Variants in CRACR2A observed in about 807,000 individuals in gnomAD.
CRACR2A encodes calcium release activated channel regulator 2A.
A neutral mutation model predicts 90.5 loss-of-function variants in CRACR2A; 79 were observed. That is an observed-to-expected ratio of 0.87 (90% CI 0.73 to 1.05). CRACR2A has a LOEUF of 1.05. Ranked by LOEUF, CRACR2A falls within the 50% of genes least tolerant of loss-of-function variation. The probability of loss-of-function intolerance (pLI) is 0.00; values close to 1 mark genes in which losing one functional copy is unlikely to be tolerated. For synonymous variants in CRACR2A, 338 were observed against 356.7 expected, an observed-to-expected ratio of 0.95 and a Z score of 0.59; for missense variants, 823 against 897.2, an observed-to-expected ratio of 0.92 and a Z score of 1.06.
intron 10 of CRACR2A, among the ~76,000 whole-genome samples, chr12:3,649,630 C>T (rs545162532): frequency 6.6e-6 from 1 of 152,236 alleles, no homozygotes; most frequent in East Asian, 1.9e-4. Flanking sequence ...AAGAGAGAGG[C>T]AGGGAGGCTG....
At chr12:3,703,291 T>C (rs1945862525) in intron 3 of CRACR2A, among the ~76,000 whole-genome samples, 1 of 152,136 alleles carries the variant, frequency 6.6e-6, no homozygotes, top group South Asian at 2.1e-4. Flanking sequence ...GGTTTCACCA[T>C]AGCCAGGATG....
intron 4 of CRACR2A, among the ~76,000 whole-genome samples, chr12:3,693,356 C>T (rs1000560665): frequency 6.6e-6 from 1 of 152,218 alleles, no homozygotes; most frequent in Non-Finnish European, 1.5e-5. Context: ...TCAGAGAGGC[C>T]AGCAGACCAA....
Position 3,615,368 on chromosome 12 carries a change from G to C in CRACR2A, c.2183C>G (p.Ser728Cys). The C allele has an allele frequency of 3.2e-6, 5 of 1,551,636 alleles. No homozygotes were observed. The highest frequency in any genetic ancestry group is 3.5e-6 in the Non-Finnish European group (4 of 1,146,932). Residue 728 changes from serine (S) to cysteine (C), a missense_variant, in exon 20 of 20, where the codon TCC (serine) becomes TGC (cysteine). By Grantham distance (112) the Ser-to-Cys change is moderately radical (BLOSUM62 -1). Transcript: ENST00000440314. Reference protein sequence around the residue: ...IQVGHPAKKKSCCG With the variant: ...IQVGHPAKKKCCCG ...TGTAGGACCCTATCAGCCACAGCAGGATTTCTTCTTAGCAGGGTGGCCGAC... is the reference window on the plus strand; with the variant it reads ...TGTAGGACCCTATCAGCCACAGCAGCATTTCTTCTTAGCAGGGTGGCCGAC...
intron 7 of CRACR2A, among the ~76,000 whole-genome samples, chr12:3,666,359 G>GTGTGTGCA (rs112902196): frequency 9.6e-6 from 1 of 104,642 alleles, no homozygotes; most frequent in African/African-American, 4.4e-5. Flanking sequence ...GTGTGTGCGT[G>GTGTGTGCA]CGTGTGCGCG....
intron 7 of CRACR2A, among the ~76,000 whole-genome samples, chr12:3,670,059 T>C (rs1945213235): frequency 6.6e-6 from 1 of 152,226 alleles, no homozygotes; most frequent in African/African-American, 2.4e-5. Flanking sequence ...AAGCGCTATC[T>C]CCTTGGTGTG....
intron 6 of CRACR2A, among the ~76,000 whole-genome samples, chr12:3,674,062 C>A (rs556511407): frequency 6.6e-6 from 1 of 152,164 alleles, no homozygotes; most frequent in African/African-American, 2.4e-5. Context: ...AGGACAGGAG[C>A]CCAGTGCGTT....
chr12:3,641,835 T>C lies in CRACR2A; in HGVS notation c.1168A>G (p.Asn390Asp). 6.4e-7 allele frequency: 1 copy of C among 1,551,702 alleles called. No individual in the cohort carries two copies. Among genetic ancestry groups the C allele is most frequent in the Non-Finnish European group, 8.7e-7 (1 of 1,146,968 alleles). ...RDERDICFQK[N>D]KAAKANTAAS... Reference sequence around the variant, plus strand: ...GCTGTGTTTGCCTTGGCTGCCTTATTTTTCTGTAGAAACACAAAATGTCCT... The same window carrying C: ...GCTGTGTTTGCCTTGGCTGCCTTATCTTTCTGTAGAAACACAAAATGTCCT... Residue 390 changes from asparagine (N) to aspartate (D), a missense_variant, in exon 13 of 20, where the codon AAT becomes GAT. Asn to Asp is a conservative substitution (Grantham distance 23). Transcript: ENST00000440314.
intron 15 of CRACR2A, among the ~76,000 whole-genome samples, chr12:3,631,793 A>G (rs148314240): frequency 6.6e-6 from 1 of 152,224 alleles, no homozygotes; most frequent in African/African-American, 2.4e-5. Context: ...TCTCTGGGAG[A>G]AATGTTAGAA....
chr12:3,615,394 C>CT lies in CRACR2A; in HGVS notation c.2156dup (p.Val720GlyfsTer6), dbSNP rs1354888695. The CT allele has an allele frequency of 3.9e-6, 6 of 1,551,422 alleles. No homozygotes were observed. The Admixed American group carries it at 1.2e-4, about 30-fold the overall frequency. On this transcript the variant is annotated frameshift_variant, in exon 20 of 20. Coordinates refer to ENST00000440314, the MANE Select transcript of CRACR2A (RefSeq NM_001144958.2). LOFTEE classifies it high-confidence loss of function. ...ATTTCTTCTTAGCAGGGTGGCCGAC[C>CT]TGAATGGTGTCCTCTCTCACTGTGT... is the stretch of plus-strand genomic sequence containing the variant.
At chr12:3,625,200 C>T (rs1591635391) in intron 17 of CRACR2A, among the ~76,000 whole-genome samples, 1 of 152,124 alleles carries the variant, frequency 6.6e-6, no homozygotes, top group South Asian at 2.1e-4. Flanking sequence ...CTTCCCGAGC[C>T]CACAGACACA....
chr12:3,674,890 A>G (rs937444225), intron 6 of CRACR2A, among the ~76,000 whole-genome samples: 2 of 152,258 alleles, frequency 1.3e-5, no homozygotes, highest in African/African-American at 2.4e-5. Context: ...TATTGAAAAT[A>G]TAAGTCCTTC....
intron 3 of CRACR2A, among the ~76,000 whole-genome samples, chr12:3,709,579 A>G (rs560431614): frequency 1.3e-5 from 2 of 152,324 alleles, no homozygotes; most frequent in Non-Finnish European, 2.9e-5. Flanking sequence ...GGAGTTCACA[A>G]CCAGCCTGGC....
chr12:3,662,555 C>A (rs1306798120), intron 7 of CRACR2A, among the ~76,000 whole-genome samples: 2 of 152,236 alleles, frequency 1.3e-5, no homozygotes, highest in Non-Finnish European at 2.9e-5. Flanking sequence ...TCATTTTAAT[C>A]ATGGACTGTG....
At chr12:3,668,059 C>T (rs531380370) in intron 7 of CRACR2A, among the ~76,000 whole-genome samples, 1 of 152,328 alleles carries the variant, frequency 6.6e-6, no homozygotes, top group African/African-American at 2.4e-5. Context: ...GTCAGGTTTA[C>T]AAATCATGCC....
At chr12:3,665,052 G>C (rs1188168425) in intron 7 of CRACR2A, among the ~76,000 whole-genome samples, 1 of 152,048 alleles carries the variant, frequency 6.6e-6, no homozygotes, top group Non-Finnish European at 1.5e-5. Flanking sequence ...AACTCAAATG[G>C]TATCTATTTA....
At chr12:3,620,287 G>C (rs1252735251) in intron 17 of CRACR2A, among the ~76,000 whole-genome samples, 2 of 152,164 alleles carry the variant, frequency 1.3e-5, no homozygotes, top group Non-Finnish European at 2.9e-5. Flanking sequence ...ATTTAATTAG[G>C]GGCTTTTAAT....
chr12:3,639,359 A>G (rs1396862982), intron 13 of CRACR2A, among the ~76,000 whole-genome samples: 1 of 151,988 alleles, frequency 6.6e-6, no homozygotes, highest in Non-Finnish European at 1.5e-5. Context: ...GTGGGGGTCA[A>G]TGCAGGGTCT....
intron 1 of CRACR2A, among the ~76,000 whole-genome samples, chr12:3,749,710 C>T (rs138463385): frequency 5.3e-4 from 80 of 151,592 alleles, no homozygotes; most frequent in African/African-American, 1.8e-3. Context: ...GGAAAGGAAG[C>T]GATTTGAAAA....
chr12:3,693,328 G>C (rs542064926), intron 4 of CRACR2A, among the ~76,000 whole-genome samples: 1 of 152,202 alleles, frequency 6.6e-6, no homozygotes, highest in Non-Finnish European at 1.5e-5. Flanking sequence ...ACAAGCAAGC[G>C]CATCCAGGCT....
Sources: allele counts gnomAD v4.1 joint callset (sites outside exome capture counted in the v4.1 genomes callset), GRCh38; gene constraint gnomAD v4.1.1; transcripts MANE v1.5; gene names NCBI Gene and HGNC (gene_info 2026-07-23, HGNC 2026-07-21).